Variants in SYNE1 observed in about 807,000 individuals in gnomAD.
The protein encoded by SYNE1 is spectrin repeat containing nuclear envelope protein 1.
A neutral mutation model predicts 1,111.0 loss-of-function variants in SYNE1; 616 were observed. The observed-to-expected ratio is 0.55, with a 90% confidence interval of 0.52 to 0.59. SYNE1 has a LOEUF of 0.59. Ranked by LOEUF, SYNE1 falls within the 20% of genes least tolerant of loss-of-function variation. The probability of loss-of-function intolerance (pLI) is 0.00; values close to 1 mark genes in which losing one functional copy is unlikely to be tolerated. For missense variants in SYNE1, 10,006 were observed against 10,417.0 expected, an observed-to-expected ratio of 0.96 and a Z score of 1.72; for synonymous variants, 3,855 against 3,825.8, an observed-to-expected ratio of 1.01 and a Z score of -0.28.
intron 54 of SYNE1, 44 bp from the exon 55 acceptor site, chr6:152,385,882 G>A (rs777769983): frequency 6.3e-7 from 1 of 1,599,440 alleles, no homozygotes; most frequent in Admixed American, 1.7e-5. Flanking sequence ...GTCCTTTTGA[G>A]AACATGAACT....
chr6:152,600,245 T>A (rs1463744404), intron 3 of SYNE1, among the ~76,000 whole-genome samples: 1 of 152,172 alleles, frequency 6.6e-6, no homozygotes, highest in African/African-American at 2.4e-5. Flanking sequence ...TAAGGAACAG[T>A]TGCCATGACC....
At position 152,498,830 on chromosome 6, in the gene SYNE1, T is replaced by C. The variant is rs201582605; in HGVS notation, c.889-38A>G. 2.8e-5 allele frequency: 33 copies of C among 1,194,804 alleles called. No individual in the cohort carries two copies. In the East Asian group the frequency reaches 5.7e-4, roughly 21 times the overall value. 74.0% of individuals were successfully genotyped at this position (1,194,804 alleles called of 1,614,324 possible). On this transcript the variant is annotated intron_variant, in intron 10 of 145. Transcript: ENST00000367255. ...AAAGATAATATATAGAAATATAATA[T>C]AAATCAGGGTCAAAAATTATTTAGA... is the stretch of plus-strand genomic sequence containing the variant.
chr6:152,230,616 T>C lies in SYNE1; in HGVS notation c.21126A>G (p.Glu7042=). ...QCLKTWFETQ[E]KRLKQQHRIG... ...TTCGATGCTGTTGTTTTAGTCTCTT[T>C]TCCTGGGTTTCAAACCATGTTTTCA... The change falls in exon 115 of 146, where the codon GAA becomes GAG. Residue 7042 remains glutamate, a synonymous_variant. Transcript: ENST00000367255. 1 of 1,614,120 alleles carries C rather than the reference T, an allele frequency of 6.2e-7. No homozygotes were observed. The highest frequency in any genetic ancestry group is 8.5e-7 in the Non-Finnish European group (1 of 1,179,976).
intron 127 of SYNE1, among the ~76,000 whole-genome samples, chr6:152,195,886 C>A (rs1390794630): frequency 6.9e-6 from 1 of 145,944 alleles, no homozygotes; most frequent in East Asian, 2.0e-4. Context: ...AATGAGCTCC[C>A]CCTGGCCCCA....
chr6:152,381,297 T>G lies in SYNE1; in HGVS notation c.8718A>C (p.Glu2906Asp). 4 of 1,614,222 alleles carry G rather than the reference T, an allele frequency of 2.5e-6. No homozygotes were observed. Among genetic ancestry groups the G allele is most frequent in the Non-Finnish European group, 3.4e-6 (4 of 1,180,044 alleles). The change falls in exon 56 of 146, where the codon GAA (glutamate) becomes GAC (aspartate). Residue 2906 changes from glutamate to aspartate, a missense_variant. Physicochemically the swap from Glu to Asp is conservative, Grantham distance 45. Transcript: ENST00000367255. Reference sequence around the variant, plus strand: ...CACTGGCAGTTGTGTTCTGTTTCACTTCGGGAGCCAGCGACTCCACTCTGC... The same window carrying G: ...CACTGGCAGTTGTGTTCTGTTTCACGTCGGGAGCCAGCGACTCCACTCTGC... ...RLSRVESLAP[E>D]VKQNTTASGC...
intron 12 of SYNE1, among the ~76,000 whole-genome samples, chr6:152,487,109 G>A (rs573154186): frequency 5.8e-4 from 88 of 152,164 alleles, no homozygotes; most frequent in African/African-American, 2.0e-3. Context: ...TGTTACATAG[G>A]TAATCATGTG....
At chr6:152,374,274 T>C (rs2097241468) in intron 58 of SYNE1, among the ~76,000 whole-genome samples, 1 of 152,108 alleles carries the variant, frequency 6.6e-6, no homozygotes, top group Non-Finnish European at 1.5e-5. Flanking sequence ...CTACAGTCGA[T>C]TCTCAATATT....
At chr6:152,362,447 G>T in intron 63 of SYNE1, 124 bp from the exon 64 acceptor site, 1 of 1,341,898 alleles carries the variant, frequency 7.5e-7, no homozygotes, top group Non-Finnish European at 1.0e-6. Flanking sequence ...AAGCTTGCTT[G>T]GGAGTGAGCA....
chr6:152,423,087 AAG>A (rs1312148922), intron 39 of SYNE1, among the ~76,000 whole-genome samples: 2 of 152,132 alleles, frequency 1.3e-5, no homozygotes. Context: ...AAACACCATA[AAG>A]ACCTGAAAAA....
At chr6:152,546,770 G>A (rs1180588255) in intron 3 of SYNE1, 2 of 152,064 alleles carry the variant, frequency 1.3e-5, no homozygotes, top group Admixed American at 6.5e-5. Flanking sequence ...TTTCGGCTCT[G>A]TTTTACTATA....
chr6:152,310,603 G>A (rs2095517370), intron 88 of SYNE1, 85 bp from the exon 89 acceptor site: 1 of 1,610,210 alleles, frequency 6.2e-7, no homozygotes, highest in Admixed American at 1.7e-5. Context: ...CCACATCACA[G>A]GTGAGCACTA....
At chr6:152,503,422 C>T (rs1342931251) in intron 9 of SYNE1, among the ~76,000 whole-genome samples, 4 of 152,096 alleles carry the variant, frequency 2.6e-5, no homozygotes, top group Admixed American at 2.6e-4. Context: ...AGATATTTAT[C>T]TAATACAAAT....
In SYNE1 at chr6:152,326,389, C is replaced by A; in HGVS notation, c.15200G>T (p.Gly5067Val). The A allele has an allele frequency of 6.2e-7, 1 of 1,614,160 alleles. No individual in the cohort carries two copies. The highest frequency in any genetic ancestry group is 1.1e-5 in the South Asian group (1 of 91,076). ...CACTTTCTGTTCTAGGTCTTCTTTG[C>A]CGGTTGGCTTGATGAGTGGGTCCAG... ...ATLDPLIKPTGKEDLEQKVAS... is the reference protein window; with the variant it reads ...ATLDPLIKPTVKEDLEQKVAS... The change falls in exon 79 of 146, where the codon GGC (glycine) becomes GTC (valine). Residue 5067 changes from glycine to valine, a missense_variant. Transcript: ENST00000367255.
chr6:152,236,126 T>G lies in SYNE1; in HGVS notation c.20377A>C (p.Ile6793Leu), dbSNP rs1045648091. 2 of 1,614,196 alleles carry G rather than the reference T, an allele frequency of 1.2e-6. No individual in the cohort carries two copies. Among genetic ancestry groups the G allele is most frequent in the Admixed American group, 3.3e-5 (2 of 60,030 alleles). Residue 6793 changes from isoleucine to leucine, a missense_variant, in exon 110 of 146, where the codon ATA becomes CTA. Physicochemically the swap from Ile to Leu is conservative, Grantham distance 5. Transcript: ENST00000367255. Reference protein sequence around the residue: ...MSKELHRLETILKHWTRYQSE... With the variant: ...MSKELHRLETLLKHWTRYQSE... ...TATTACCTGGTCCAGTGTTTCAATA[T>G]TGTTTCCAGTCTGTGAAGTTCCTTA...
At chr6:152,241,757 T>G (rs2085767789) in intron 107 of SYNE1, among the ~76,000 whole-genome samples, 1 of 152,142 alleles carries the variant, frequency 6.6e-6, no homozygotes, top group Non-Finnish European at 1.5e-5. Context: ...ATCTGAGTAG[T>G]CAGCTCTGCA....
In SYNE1 at chr6:152,354,963, T is replaced by C; in HGVS notation, c.10622A>G (p.His3541Arg). Residue 3541 changes from histidine to arginine, a missense_variant, in exon 67 of 146, where the codon CAC (histidine) becomes CGC (arginine). This residue lies in a region of SYNE1 where 4,955 missense variants were observed against 5,017.2 expected (regional missense o/e 0.99). Transcript: ENST00000367255. ...TLRDLQELQV[H>R]CAEGQALLNS... ...CAACAGGGCCTGCCCCTCTGCACAG[T>C]GTACCTGTAGCTCCTGCAGAGAAAA... is the stretch of plus-strand genomic sequence containing the variant. The C allele has an allele frequency of 1.2e-6, 2 of 1,614,048 alleles. No homozygotes were observed. The highest frequency in any genetic ancestry group is 2.2e-5 in the South Asian group (2 of 91,082).
chr6:152,381,662 T>C (rs2097419282), intron 55 of SYNE1: 1 of 434,288 alleles, frequency 2.3e-6, no homozygotes, highest in Non-Finnish European at 4.3e-6. Flanking sequence ...ACTCAAGTGT[T>C]TGCCTGTGGT....
At chr6:152,268,307 G>T in intron 99 of SYNE1, 142 bp from the exon 100 acceptor site, 6 of 625,698 alleles carry the variant, frequency 9.6e-6, no homozygotes, top group East Asian at 3.2e-5. Context: ...TGAGGTTTAT[G>T]TAAATATTCA....
chr6:152,233,656 G>A, intron 112 of SYNE1, 125 bp downstream of exon 112: 1 of 1,189,066 alleles, frequency 8.4e-7, no homozygotes, highest in Non-Finnish European at 1.2e-6. Context: ...TACAACGGGA[G>A]AGAGAAGAGG....
Sources: gnomAD v4.1 joint callset for allele counts (sites outside exome capture counted in the v4.1 genomes callset) on GRCh38, gnomAD v4.1.1 for gene constraint, gnomAD v4.1.1 regional missense constraint, MANE v1.5 for transcripts, NCBI Gene and HGNC (gene_info 2026-07-23, HGNC 2026-07-21) for gene names.